TEX11: variants seen among roughly 807,000 people sequenced by gnomAD.
The protein encoded by TEX11 is testis expressed 11, also known as testis-expressed protein 11.
Under a neutral mutation model 84.4 loss-of-function variants are expected in TEX11, and 7 were observed. The ratio of observed to expected loss-of-function variants is 0.08; its 90% CI spans 0.05 to 0.16. The LOEUF (loss-of-function observed/expected upper bound fraction) is 0.16, where lower values mean the gene tolerates loss of function less well. Among genes scored for constraint, TEX11 ranks in the 10% least tolerant of loss-of-function variants. The probability of loss-of-function intolerance (pLI) is 1.00; values close to 1 mark genes in which losing one functional copy is unlikely to be tolerated. For synonymous variants in TEX11, 264 were observed against 222.8 expected, an observed-to-expected ratio of 1.18 and a Z score of -1.64; for missense variants, 551 against 660.5, an observed-to-expected ratio of 0.83 and a Z score of 1.82.
intron 23 of TEX11, among the ~76,000 whole-genome samples, chrX:70,606,572 T>C (rs1256239791): frequency 8.9e-6 from 1 of 112,221 alleles, no homozygotes; most frequent in Non-Finnish European, 1.9e-5. Flanking sequence ...TATTCTATGT[T>C]CTTGTAGACT....
At chrX:70,899,935 C>T (rs1049897146) in intron 2 of TEX11, among the ~76,000 whole-genome samples, 12 of 100,487 alleles carry the variant, frequency 1.2e-4, no homozygotes, top group African/African-American at 4.3e-4. Context: ...AGGCAGCTCA[C>T]CTGAGGTCAG....
intron 9 of TEX11, among the ~76,000 whole-genome samples, chrX:70,750,625 C>T (rs1314407525): frequency 9.8e-6 from 1 of 102,490 alleles, no homozygotes; most frequent in African/African-American, 3.6e-5. Context: ...TTTGTAGGGA[C>T]ATGGATGAAA....
intron 2 of TEX11, among the ~76,000 whole-genome samples, chrX:70,880,496 G>T (rs944786987): frequency 1.9e-4 from 21 of 109,903 alleles, no homozygotes; most frequent in Non-Finnish European, 3.2e-4. Context: ...GGAGTTCAAG[G>T]CTACAGTGAG....
At chrX:70,647,692 G>A (rs1265606402) in intron 17 of TEX11, among the ~76,000 whole-genome samples, 1 of 110,284 alleles carries the variant, frequency 9.1e-6, no homozygotes, top group Non-Finnish European at 1.9e-5. Flanking sequence ...AAAAAAGGAT[G>A]TGAGGTAATG....
At chrX:70,761,518 C>T (rs2090909100) in intron 9 of TEX11, among the ~76,000 whole-genome samples, 1 of 111,553 alleles carries the variant, frequency 9.0e-6, no homozygotes, top group South Asian at 3.8e-4. Flanking sequence ...GGACAGAAAA[C>T]CAAACACCGC....
chrX:70,536,914 T>C (rs2087966554), intron 28 of TEX11, among the ~76,000 whole-genome samples: 1 of 111,944 alleles, frequency 8.9e-6, no homozygotes, highest in Admixed American at 9.6e-5. Context: ...GTTAGGGCTT[T>C]CCTGTCCAAG....
chrX:70,748,547 G>GT (rs1467392732), intron 9 of TEX11, among the ~76,000 whole-genome samples: 3 of 110,872 alleles, frequency 2.7e-5, no homozygotes, highest in African/African-American at 9.8e-5. Flanking sequence ...GGTTTTTATG[G>GT]TTTTAGGTCT....
intron 13 of TEX11, among the ~76,000 whole-genome samples, chrX:70,703,205 C>T (rs1342960059): frequency 9.0e-6 from 1 of 111,362 alleles, no homozygotes; most frequent in African/African-American, 3.3e-5. Flanking sequence ...CACAATATTG[C>T]CTCTCAACAA....
chrX:70,839,249 C>T (rs768832991), intron 7 of TEX11, among the ~76,000 whole-genome samples: 270 of 111,678 alleles, frequency 2.4e-3, no homozygotes, highest in South Asian at 0.019. Context: ...CCAGGAGGGG[C>T]GGACTGACAC....
In TEX11 at chrX:70,747,264, G is replaced by T. The variant is rs184469496; in HGVS notation, c.693-3045C>A. 3.0e-4 allele frequency among the ~76,000 whole-genome samples: 34 copies of T among 112,102 alleles called. No homozygotes were observed. In the East Asian group the frequency reaches 7.3e-3, roughly 24 times the overall value. On this transcript the variant is annotated intron_variant, in intron 9 of 29. Coordinates refer to ENST00000374333, the MANE Select transcript of TEX11 (RefSeq NM_031276.3). ...TAAGTGAGCTTCAGCACAACCTTTA[G>T]CCAGTAAGTGAACTATGTGGATGCA...
In TEX11 at chrX:70,759,969, T is replaced by A. The variant is rs759565339; in HGVS notation, c.693-15750A>T. Among the ~76,000 whole-genome samples, 302 of 110,895 alleles carry A rather than the reference T, an allele frequency of 2.7e-3. 1 individual carries two copies. Among genetic ancestry groups the A allele is most frequent in the African/African-American group, 9.3e-3 (285 of 30,548 alleles). On this transcript the variant is annotated intron_variant, in intron 9 of 29. Transcript: ENST00000374333. ...ATCACAAGCATTCTTATACACCAAG[T>A]ACAGACAAACAGAGAGCCAAATCAT... is the stretch of plus-strand genomic sequence containing the variant.
intron 26 of TEX11, among the ~76,000 whole-genome samples, chrX:70,553,699 A>T (rs768207409): frequency 8.9e-5 from 10 of 111,776 alleles, no homozygotes; most frequent in Non-Finnish European, 1.3e-4. Flanking sequence ...ATACAGGTGA[A>T]GCAATAATCT....
At chrX:70,753,684 G>A (rs1206225910) in intron 9 of TEX11, among the ~76,000 whole-genome samples, 2 of 110,445 alleles carry the variant, frequency 1.8e-5, no homozygotes, top group South Asian at 3.9e-4. Context: ...GATATGAGGC[G>A]AAACTCCTTT....
chrX:70,715,623 C>T (rs1214240609), intron 13 of TEX11, among the ~76,000 whole-genome samples: 1 of 112,180 alleles, frequency 8.9e-6, no homozygotes, highest in Non-Finnish European at 1.9e-5. Flanking sequence ...AGTTCTCGTG[C>T]CATGGTTTTC....
rs141362948 is a variant in TEX11 at position 70,728,476 on chromosome X, A to G, written c.844-3133T>C. Reference sequence around the variant, plus strand: ...GGTCACTCCCACCATAATACTGCGCACTTCCAACGGTCTTAGCAAACAAAA... The same window carrying G: ...GGTCACTCCCACCATAATACTGCGCGCTTCCAACGGTCTTAGCAAACAAAA... On this transcript the variant is annotated intron_variant, in intron 11 of 29. Coordinates refer to ENST00000374333, the MANE Select transcript of TEX11 (RefSeq NM_031276.3). Among the ~76,000 whole-genome samples the G allele has an allele frequency of 1.8e-4, 20 of 112,998 alleles. No individual in the cohort carries two copies. In the East Asian group the frequency reaches 5.6e-3, roughly 31 times the overall value.
chrX:70,792,357 TACACACACAA>T (rs2091129230), intron 9 of TEX11, among the ~76,000 whole-genome samples: 2 of 8,856 alleles, frequency 2.3e-4, no homozygotes, highest in Non-Finnish European at 3.2e-4. Context: ...TATATATATA[TACACACACAA>T]ATATATATCT....
At chrX:70,827,580 A>C (rs1293634945) in intron 8 of TEX11, among the ~76,000 whole-genome samples, 1 of 111,177 alleles carries the variant, frequency 9.0e-6, no homozygotes, top group Admixed American at 9.6e-5. Flanking sequence ...TTTTATGTGA[A>C]CATCAGTGGT....
At chrX:70,862,486 A>G (rs1331125404) in intron 4 of TEX11, among the ~76,000 whole-genome samples, 1 of 111,780 alleles carries the variant, frequency 8.9e-6, no homozygotes, top group African/African-American at 3.2e-5. Flanking sequence ...ATTGCCCATC[A>G]TAAAGTGTAA....
At chrX:70,678,701 C>A (rs2090097334) in intron 15 of TEX11, 103 bp downstream of exon 15, 1 of 610,024 alleles carries the variant, frequency 1.6e-6, no homozygotes. Flanking sequence ...TCTAAACAGA[C>A]AGAGATTATT....
Sources: allele counts gnomAD v4.1 joint callset (sites outside exome capture counted in the v4.1 genomes callset), GRCh38; gene constraint gnomAD v4.1.1; transcripts MANE v1.5; gene names NCBI Gene and HGNC (gene_info 2026-07-23, HGNC 2026-07-21).